TRIP12: variants seen among roughly 807,000 people sequenced by gnomAD.
TRIP12 encodes E3 ubiquitin-protein ligase TRIP12.
TRIP12 carries 25 observed loss-of-function variants against 244.2 expected under a neutral mutation model. That is an observed-to-expected ratio of 0.10 (90% CI 0.07 to 0.14). The LOEUF (loss-of-function observed/expected upper bound fraction) is 0.14, where lower values mean the gene tolerates loss of function less well. Ranked by LOEUF, TRIP12 falls within the 10% of genes least tolerant of loss-of-function variation. The pLI, the probability that TRIP12 is intolerant of heterozygous loss-of-function variation, is 1.00. For missense variants in TRIP12, 1,677 were observed against 2,486.4 expected, an observed-to-expected ratio of 0.67 and a Z score of 6.92; for synonymous variants, 905 against 873.1, an observed-to-expected ratio of 1.04 and a Z score of -0.64.
Position 229,805,732 on chromosome 2 carries a change from G to A in TRIP12, c.2648C>T (p.Thr883Ile), listed in dbSNP as rs1038460825. 1 of 1,588,818 alleles carries A rather than the reference G, an allele frequency of 6.3e-7. No individual in the cohort carries two copies. Among genetic ancestry groups the A allele is most frequent in the Non-Finnish European group, 8.6e-7 (1 of 1,160,066 alleles). The change falls in exon 18 of 42, where the codon ACT becomes ATT. Residue 883 changes from threonine to isoleucine, a missense_variant and splice_region_variant. Thr to Ile is a moderately conservative substitution (Grantham distance 89, BLOSUM62 -1). Around this residue, in one of 11 missense-constraint regions of TRIP12, gnomAD observed 572 missense variants for 867.8 expected, o/e 0.66. Transcript: ENST00000675903. The stretch of plus-strand genomic sequence containing the variant: ...ATTTTAACTCAGAATGTACTTACTA[G>A]TGTTACTATTGGCTAACGGGTTAGG... Reference protein sequence around the residue: ...RKPNPLANSNTSGYSESKKDD... With the variant: ...RKPNPLANSNISGYSESKKDD...
chr2:229,879,804 C>T (rs954332927), intron 2 of TRIP12, among the ~76,000 whole-genome samples, 178 bp downstream of exon 2: 2 of 152,198 alleles, frequency 1.3e-5, no homozygotes, highest in Non-Finnish European at 2.9e-5. Context: ...TCTAGCATAT[C>T]TGGGGAAAAA....
intron 2 of TRIP12, among the ~76,000 whole-genome samples, chr2:229,873,573 G>C (rs1373338806): frequency 6.6e-6 from 1 of 152,164 alleles, no homozygotes; most frequent in Non-Finnish European, 1.5e-5. Context: ...ATCTGCCAAA[G>C]TGTACAGATA....
In TRIP12 at chr2:229,807,882, A is replaced by C. The variant is rs769446312; in HGVS notation, c.2340-18T>G. On this transcript the variant is annotated intron_variant, in intron 16 of 41. Coordinates refer to ENST00000675903, the MANE Select transcript of TRIP12 (RefSeq NM_001348323.3). Reference sequence around the variant, plus strand: ...TAAGTTCACTGAAAACAAAAAGTACAATAATTTTAGTAACTTTATGAAATA... The same window carrying C: ...TAAGTTCACTGAAAACAAAAAGTACCATAATTTTAGTAACTTTATGAAATA... 7 of 1,603,810 alleles carry C rather than the reference A, an allele frequency of 4.4e-6. No homozygotes were observed. Among genetic ancestry groups the C allele is most frequent in the Non-Finnish European group, 5.1e-6 (6 of 1,173,558 alleles).
chr2:229,871,574 C>T (rs977005077), intron 2 of TRIP12, among the ~76,000 whole-genome samples: 6 of 152,134 alleles, frequency 3.9e-5, no homozygotes, highest in Admixed American at 2.0e-4. Flanking sequence ...TGCTTTCTGC[C>T]GTGATTTTAA....
At chr2:229,848,662 G>C (rs537944604) in intron 4 of TRIP12, among the ~76,000 whole-genome samples, 2 of 152,170 alleles carry the variant, frequency 1.3e-5, no homozygotes, top group African/African-American at 4.8e-5. Flanking sequence ...GTCCCAGTTT[G>C]CCTAGGACTA....
chr2:229,843,180 C>T (rs2056883463), intron 4 of TRIP12, among the ~76,000 whole-genome samples: 1 of 151,176 alleles, frequency 6.6e-6, no homozygotes, highest in Admixed American at 6.6e-5. Flanking sequence ...TATGATGCCA[C>T]TCAACCAGAA....
intron 34 of TRIP12, among the ~76,000 whole-genome samples, chr2:229,783,552 C>A (rs746720621): frequency 6.6e-6 from 1 of 152,050 alleles, no homozygotes; most frequent in South Asian, 2.1e-4. Flanking sequence ...CATCAAAAAA[C>A]CACAAAACAT....
At chr2:229,851,199 G>A (rs935740236) in intron 4 of TRIP12, among the ~76,000 whole-genome samples, 6 of 152,322 alleles carry the variant, frequency 3.9e-5, no homozygotes, top group Non-Finnish European at 5.9e-5. Context: ...TGGGGACGTG[G>A]AGAACCTTTA....
chr2:229,816,009 T>A (rs909211106), intron 9 of TRIP12, among the ~76,000 whole-genome samples: 1 of 152,164 alleles, frequency 6.6e-6, no homozygotes, highest in African/African-American at 2.4e-5. Context: ...GGATACACAC[T>A]CTGTCCTCTC....
intron 2 of TRIP12, among the ~76,000 whole-genome samples, chr2:229,864,047 A>AGAGAGAGAGAGTGAGTGT: frequency 8.7e-4 from 69 of 79,184 alleles, no homozygotes; most frequent in East Asian, 3.9e-3. Context: ...AGAGAGAGAG[A>AGAGAGAGAGAGTGAGTGT]GTGTGTGTGT....
chr2:229,865,343 AGAAAG>A (rs142792399), intron 2 of TRIP12, among the ~76,000 whole-genome samples: 306 of 26,844 alleles, frequency 0.011, 4 homozygotes, highest in African/African-American at 0.028. Context: ...AAAAAAAAAA[AGAAAG>A]AAAGAAAGCA....
At chr2:229,853,066 C>G (rs1352449908) in intron 4 of TRIP12, among the ~76,000 whole-genome samples, 1 of 152,160 alleles carries the variant, frequency 6.6e-6, no homozygotes, top group Admixed American at 6.5e-5. Context: ...GTTGTTCCTA[C>G]AATTTTTAAA....
chr2:229,769,196 A>T, intron 40 of TRIP12, 35 bp downstream of exon 40: 1 of 1,587,518 alleles, frequency 6.3e-7, no homozygotes, highest in Non-Finnish European at 8.6e-7. Context: ...CATTCTTCAG[A>T]ATCAACAGAA....
At chr2:229,874,510 G>C (rs900740854) in intron 2 of TRIP12, among the ~76,000 whole-genome samples, 6 of 152,000 alleles carry the variant, frequency 3.9e-5, no homozygotes, top group African/African-American at 1.4e-4. Context: ...AAACCTAGAG[G>C]CCCAAATTTA....
intron 4 of TRIP12, among the ~76,000 whole-genome samples, chr2:229,850,929 T>C (rs559222501): frequency 5.9e-5 from 9 of 152,192 alleles, no homozygotes; most frequent in African/African-American, 1.2e-4. Context: ...ACTCGATTTC[T>C]CGCCGGGCCT....
At chr2:229,881,455 C>T (rs940345244) in intron 1 of TRIP12, among the ~76,000 whole-genome samples, 1 of 152,086 alleles carries the variant, frequency 6.6e-6, no homozygotes, top group South Asian at 2.1e-4. Flanking sequence ...AAAGAGAATG[C>T]AAATTAATCA....
intron 2 of TRIP12, among the ~76,000 whole-genome samples, chr2:229,869,138 T>G (rs146706082): frequency 1.7e-4 from 26 of 152,334 alleles, no homozygotes; most frequent in Admixed American, 4.6e-4. Context: ...CACTAATATC[T>G]AGGAGATGTT....
chr2:229,868,259 C>T (rs79263517), intron 2 of TRIP12, among the ~76,000 whole-genome samples: 20,177 of 152,110 alleles, frequency 0.13, 1,424 homozygotes, highest in Admixed American at 0.19. Flanking sequence ...TGGAGTGCAG[C>T]GGTGTAATCT....
intron 1 of TRIP12, among the ~76,000 whole-genome samples, chr2:229,906,228 C>T (rs1353829210): frequency 6.7e-6 from 1 of 150,218 alleles, no homozygotes; most frequent in African/African-American, 2.4e-5. Context: ...CTGCTTGAGC[C>T]TGGGAGGTGG....
Sources: allele counts gnomAD v4.1 joint callset (sites outside exome capture counted in the v4.1 genomes callset), GRCh38; gene constraint gnomAD v4.1.1; regional missense constraint gnomAD v4.1.1; transcripts MANE v1.5; gene names NCBI Gene and HGNC (gene_info 2026-07-23, HGNC 2026-07-21).